PRCP: variants seen among roughly 807,000 people sequenced by gnomAD.
The protein encoded by PRCP is lysosomal Pro-X carboxypeptidase.
Under a neutral mutation model 54.2 loss-of-function variants are expected in PRCP, and 46 were observed. That is an observed-to-expected ratio of 0.85 (90% CI 0.67 to 1.09). The LOEUF is 1.09. Ranked by LOEUF, PRCP falls within the 50% of genes least tolerant of loss-of-function variation. PRCP has a pLI of 0.00. For synonymous variants in PRCP, 240 were observed against 212.2 expected (o/e 1.13, Z -1.14); for missense variants, 613 against 596.8 (o/e 1.03, Z -0.28).
chr11:82,834,278 C>CAA (rs993091220), intron 8 of PRCP, among the ~76,000 whole-genome samples: 4 of 152,232 alleles, frequency 2.6e-5, no homozygotes, highest in African/African-American at 9.6e-5. Flanking sequence ...TGGACTAAGA[C>CAA]AAACCCAAAG....
At chr11:82,860,203 T>C in intron 1 of PRCP, 86 bp from the exon 2 acceptor site, 1 of 955,728 alleles carries the variant, frequency 1.0e-6, no homozygotes, top group Non-Finnish European at 1.4e-6. Flanking sequence ...TCCATTAAAA[T>C]CAATCTCTAC....
Position 82,850,406 on chromosome 11 carries a change from G to A in PRCP, c.511C>T (p.Gln171Ter), listed in dbSNP as rs947016241. Residue 171 changes from glutamine to a stop codon, truncating the protein, a stop_gained, in exon 4 of 9, where the codon CAA becomes TAA. Coordinates refer to ENST00000313010, the MANE Select transcript of PRCP (RefSeq NM_005040.4). LOFTEE classifies it high-confidence loss of function. ...LKRTIPGAEN[Q>*]PVIAIGGSYG... ...GAGCCTCCTATGGCAATGACAGGTT[G>A]ATTTTCAGCTCCTGGGATTGTTCTT... 4 of 1,606,778 alleles carry A rather than the reference G, an allele frequency of 2.5e-6. No homozygotes were observed. Among genetic ancestry groups the A allele is most frequent in the African/African-American group, 1.3e-5 (1 of 74,588 alleles).
At chr11:82,874,619 A>G (rs1859557056) in intron 1 of PRCP, among the ~76,000 whole-genome samples, 1 of 148,676 alleles carries the variant, frequency 6.7e-6, no homozygotes, top group Non-Finnish European at 1.5e-5. Context: ...TGAGCCCAGG[A>G]GTTCAAGGCT....
At chr11:82,869,026 ACT>A (rs1332566308) in intron 1 of PRCP, among the ~76,000 whole-genome samples, 1 of 151,898 alleles carries the variant, frequency 6.6e-6, no homozygotes, top group Non-Finnish European at 1.5e-5. Flanking sequence ...ACAGAGCAAG[ACT>A]CTGTCTCAAA....
At chr11:82,851,124 A>G (rs1406784342) in intron 3 of PRCP, among the ~76,000 whole-genome samples, 2 of 152,224 alleles carry the variant, frequency 1.3e-5, no homozygotes, top group African/African-American at 4.8e-5. Flanking sequence ...CCTGCTCTCT[A>G]CATGAAGACA....
intron 1 of PRCP, among the ~76,000 whole-genome samples, chr11:82,892,086 C>A (rs1257763551): frequency 1.3e-5 from 2 of 152,118 alleles, no homozygotes; most frequent in East Asian, 3.9e-4. Flanking sequence ...TGTTGTAAAG[C>A]TGAATATGAA....
intron 2 of PRCP, among the ~76,000 whole-genome samples, chr11:82,859,283 C>A (rs1016355321): frequency 3.9e-5 from 6 of 152,158 alleles, no homozygotes; most frequent in Admixed American, 3.9e-4. Flanking sequence ...CTACTTTTAA[C>A]CCTCACAAAT....
At chr11:82,864,203 T>C (rs945637437) in intron 1 of PRCP, among the ~76,000 whole-genome samples, 4 of 152,242 alleles carry the variant, frequency 2.6e-5, no homozygotes, top group African/African-American at 9.6e-5. Flanking sequence ...CAAAATCTCC[T>C]ATTTTCTGAG....
chr11:82,855,755 C>G (rs1218130384), intron 2 of PRCP, among the ~76,000 whole-genome samples: 1 of 152,074 alleles, frequency 6.6e-6, no homozygotes, highest in Non-Finnish European at 1.5e-5. Flanking sequence ...AACAAAGGCT[C>G]AACATCATTA....
At chr11:82,847,230 TAC>T (rs1173921218) in intron 6 of PRCP, among the ~76,000 whole-genome samples, 2 of 152,224 alleles carry the variant, frequency 1.3e-5, no homozygotes, top group Non-Finnish European at 2.9e-5. Flanking sequence ...TCTCACCTTG[TAC>T]ACAGATAGAT....
chr11:82,839,213 T>C (rs767391437), intron 7 of PRCP, 48 bp downstream of exon 7: 9 of 1,575,186 alleles, frequency 5.7e-6, no homozygotes, highest in Non-Finnish European at 7.8e-6. Flanking sequence ...ACAGCACAAC[T>C]GTGTCAGTGA....
intron 1 of PRCP, among the ~76,000 whole-genome samples, chr11:82,870,044 C>T (rs372391747): frequency 2.0e-5 from 3 of 152,182 alleles, no homozygotes; most frequent in African/African-American, 7.2e-5. Context: ...CAGCATTTTA[C>T]CAAAGCATAT....
At chr11:82,840,403 G>C (rs1471934899) in intron 6 of PRCP, 1 of 152,010 alleles carries the variant, frequency 6.6e-6, no homozygotes, top group African/African-American at 2.4e-5. Flanking sequence ...TTGAACTCTT[G>C]TTAATGATAA....
chr11:82,835,778 G>A (rs1858509123), intron 8 of PRCP: 2 of 447,410 alleles, frequency 4.5e-6, no homozygotes, highest in Non-Finnish European at 4.4e-6. Context: ...TGAAGAAGTT[G>A]TAAAGGATCT....
chr11:82,857,307 C>T (rs961842515), intron 2 of PRCP, among the ~76,000 whole-genome samples: 32 of 152,170 alleles, frequency 2.1e-4, no homozygotes, highest in Admixed American at 2.0e-3. Context: ...ACTTAATTAT[C>T]ACAGCAATCT....
At chr11:82,839,488 T>C in intron 6 of PRCP, 63 bp from the exon 7 acceptor site, 1 of 1,474,716 alleles carries the variant, frequency 6.8e-7, no homozygotes, top group Non-Finnish European at 9.3e-7. Flanking sequence ...GACAGTTTAA[T>C]AACACAAAGA....
intron 1 of PRCP, among the ~76,000 whole-genome samples, chr11:82,893,721 G>A (rs1255531619): frequency 6.6e-6 from 1 of 152,108 alleles, no homozygotes; most frequent in Non-Finnish European, 1.5e-5. Flanking sequence ...TGAGCCCATA[G>A]GTTCAAGGCT....
At chr11:82,833,074 T>C (rs115682125) in intron 8 of PRCP, among the ~76,000 whole-genome samples, 87 of 152,342 alleles carry the variant, frequency 5.7e-4, no homozygotes, top group African/African-American at 2.0e-3. Context: ...TCTGAAGCCT[T>C]CCTGAGCTGT....
intron 1 of PRCP, among the ~76,000 whole-genome samples, chr11:82,888,457 A>G (rs1859919929): frequency 6.6e-6 from 1 of 152,244 alleles, no homozygotes; most frequent in South Asian, 2.1e-4. Context: ...AAATCATAAA[A>G]AGTTTACTTT....
Sources: gnomAD v4.1 joint callset for allele counts (sites outside exome capture counted in the v4.1 genomes callset) on GRCh38, gnomAD v4.1.1 for gene constraint, MANE v1.5 for transcripts, NCBI Gene and HGNC (gene_info 2026-07-23, HGNC 2026-07-21) for gene names.